Variants in CCDC138 observed in about 807,000 individuals in gnomAD.
CCDC138 encodes the protein coiled-coil domain-containing protein 138.
In CCDC138, 66 loss-of-function variants were observed where a neutral mutation model predicts 82.3. The observed-to-expected ratio is 0.80, with a 90% CI of 0.66 to 0.98. The LOEUF is 0.98. Ranked by LOEUF, CCDC138 falls within the 50% of genes least tolerant of loss-of-function variation. The probability of loss-of-function intolerance (pLI) is 0.00; values close to 1 mark genes in which losing one functional copy is unlikely to be tolerated. For missense variants in CCDC138, 816 were observed against 758.9 expected (o/e 1.08, Z -0.88); for synonymous variants, 297 against 265.4 (o/e 1.12, Z -1.16).
At chr2:108,845,818 G>A (rs964340567) in intron 11 of CCDC138, among the ~76,000 whole-genome samples, 11 of 152,050 alleles carry the variant, frequency 7.2e-5, no homozygotes, top group Admixed American at 2.6e-4. Flanking sequence ...TGATCTGCCT[G>A]CCTCGGCGTC....
chr2:108,844,530 C>T (rs1038413764), intron 11 of CCDC138, among the ~76,000 whole-genome samples: 5 of 152,080 alleles, frequency 3.3e-5, no homozygotes, highest in South Asian at 2.1e-4. Context: ...TCTGTCCTGT[C>T]GGTGTTGGCA....
At chr2:108,818,861 T>C (rs1197129977) in intron 10 of CCDC138, among the ~76,000 whole-genome samples, 1 of 152,070 alleles carries the variant, frequency 6.6e-6, no homozygotes, top group Non-Finnish European at 1.5e-5. Context: ...ATAATTTACT[T>C]AAGGATGGAT....
intron 14 of CCDC138, among the ~76,000 whole-genome samples, chr2:108,873,846 G>GGCT (rs1695634780): frequency 6.6e-6 from 1 of 152,084 alleles, no homozygotes; most frequent in Non-Finnish European, 1.5e-5. Flanking sequence ...GCAGCCCATG[G>GGCT]GCTGCAGGTT....
chr2:108,877,913 C>T (rs534132486), downstream of CCDC138, among the ~76,000 whole-genome samples: 12 of 152,220 alleles, frequency 7.9e-5, no homozygotes, highest in African/African-American at 2.6e-4. Context: ...CCAGACTAGC[C>T]TTATAGAATG....
rs11886650 is a variant in CCDC138, at chr2:108,816,814, A to G, written c.1206+709A>G. 4.6e-3 allele frequency among the ~76,000 whole-genome samples: 697 copies of G among 152,206 alleles called. 4 individuals carry two copies. Among genetic ancestry groups the G allele is most frequent in the African/African-American group, 0.016 (666 of 41,528 alleles). ...TAGCCTCAAGTAGTCTTCCTGCCTCATCCCTTTGAGTAGGGTCTACAGGTA... is the reference window on the plus strand; with the variant it reads ...TAGCCTCAAGTAGTCTTCCTGCCTCGTCCCTTTGAGTAGGGTCTACAGGTA... On this transcript the variant is annotated intron_variant, in intron 10 of 14. Transcript: ENST00000295124.
intron 4 of CCDC138, among the ~76,000 whole-genome samples, chr2:108,793,093 C>T (rs1249536951): frequency 7.0e-6 from 1 of 143,788 alleles, no homozygotes; most frequent in Non-Finnish European, 1.5e-5. Context: ...CACGGTGGCT[C>T]GTGCCTGTAA....
At chr2:108,843,244 G>A (rs1443087025) in intron 11 of CCDC138, among the ~76,000 whole-genome samples, 6 of 151,808 alleles carry the variant, frequency 4.0e-5, no homozygotes, top group African/African-American at 2.4e-5. Flanking sequence ...TGCAACCTCC[G>A]TCTGCTGGGT....
chr2:108,837,151 C>T (rs927828278), intron 10 of CCDC138, among the ~76,000 whole-genome samples: 3 of 152,156 alleles, frequency 2.0e-5, no homozygotes, highest in African/African-American at 7.2e-5. Context: ...ATTCTTTTAC[C>T]TTCAGAGTGT....
At chr2:108,870,877 A>G (rs1484322363) in intron 13 of CCDC138, among the ~76,000 whole-genome samples, 1 of 152,018 alleles carries the variant, frequency 6.6e-6, no homozygotes, top group African/African-American at 2.4e-5. Context: ...GATGGAAAAA[A>G]CTCTGGAGAT....
In CCDC138 at chr2:108,873,462, C is replaced by A; in HGVS notation, c.1705C>A (p.Pro569Thr). 1 of 1,597,120 alleles carries A rather than the reference C, an allele frequency of 6.3e-7. No homozygotes were observed. Among genetic ancestry groups the A allele is most frequent in the South Asian group, 1.2e-5 (1 of 86,148 alleles). The change falls in exon 14 of 15, where the codon CCT becomes ACT. Residue 569 changes from proline to threonine, a missense_variant. Physicochemically the swap from Pro to Thr is conservative, Grantham distance 38 (BLOSUM62 -1). Transcript: ENST00000295124. ...GATTTGTTTTGCAGAATCCTTGCAG[C>A]CTTTCCTGGAAGCCTGTAGCAACTC... ...QMTVESKSLQ[P>T]FLEACSNSLF...
At chr2:108,862,195 TA>T (rs562421956) in intron 13 of CCDC138, among the ~76,000 whole-genome samples, 22 of 147,136 alleles carry the variant, frequency 1.5e-4, no homozygotes, top group East Asian at 9.9e-4. Context: ...CCATGCCACT[TA>T]AAAAAAAAAC....
At chr2:108,852,596 T>C (rs1459862249) in intron 12 of CCDC138, among the ~76,000 whole-genome samples, 2 of 152,188 alleles carry the variant, frequency 1.3e-5, no homozygotes, top group African/African-American at 4.8e-5. Flanking sequence ...ATTATGTCCT[T>C]TGCAGGGACA....
chr2:108,839,988 A>G (rs1689191717), intron 11 of CCDC138, among the ~76,000 whole-genome samples: 1 of 152,038 alleles, frequency 6.6e-6, no homozygotes, highest in Non-Finnish European at 1.5e-5. Context: ...TAAGTATAAT[A>G]TTAGCTGTAG....
intron 10 of CCDC138, among the ~76,000 whole-genome samples, chr2:108,830,097 G>C (rs1240655053): frequency 6.6e-6 from 1 of 152,170 alleles, no homozygotes; most frequent in Non-Finnish European, 1.5e-5. Flanking sequence ...GCATGAAATT[G>C]ACACATGCTA....
intron 7 of CCDC138, among the ~76,000 whole-genome samples, chr2:108,809,827 A>G (rs1419968604): frequency 6.6e-6 from 1 of 151,296 alleles, no homozygotes; most frequent in Non-Finnish European, 1.5e-5. Flanking sequence ...TTTGTTTGTG[A>G]TGGAGTCTCA....
At chr2:108,792,481 C>T (rs1487313603) in intron 4 of CCDC138, among the ~76,000 whole-genome samples, 1 of 152,030 alleles carries the variant, frequency 6.6e-6, no homozygotes. Context: ...TGGCAAAAGC[C>T]ACAATGACTT....
chr2:108,804,456 A>G (rs2149673393), intron 6 of CCDC138, among the ~76,000 whole-genome samples: 1 of 152,202 alleles, frequency 6.6e-6, no homozygotes, highest in East Asian at 1.9e-4. Flanking sequence ...AGTTGGTTTT[A>G]TGAAAGATTT....
intron 11 of CCDC138, among the ~76,000 whole-genome samples, chr2:108,843,926 T>C (rs1405089670): frequency 4.2e-5 from 6 of 144,544 alleles, no homozygotes; most frequent in African/African-American, 1.3e-4. Context: ...GGTCTTGCTC[T>C]GTTGCCCAGG....
rs4676213 is a variant in CCDC138 at position 108,866,839 on chromosome 2, C to T, written c.1694-6612C>T. ...TGGAGTTTGCAGTGAGCCGAGATCA[C>T]GCCACGGCACTCCAGCCTGGGCGAC... On this transcript the variant is annotated intron_variant, in intron 13 of 14. Transcript: ENST00000295124. Among the ~76,000 whole-genome samples the T allele has an allele frequency of 0.07, 10,537 of 151,286 alleles. 2,805 individuals carry two copies. The East Asian group carries it at 0.87, about 12-fold the overall frequency.
Sources: gnomAD v4.1 joint callset for allele counts (sites outside exome capture counted in the v4.1 genomes callset) on GRCh38, gnomAD v4.1.1 for gene constraint, MANE v1.5 for transcripts, NCBI Gene and HGNC (gene_info 2026-07-23, HGNC 2026-07-21) for gene names.